The following KIF4A variants were observed in gnomAD, a reference collection of about 807,000 sequenced individuals.
The protein encoded by KIF4A is chromosome-associated kinesin KIF4A.
KIF4A carries 7 observed loss-of-function variants against 105.9 expected under a neutral mutation model. The ratio of observed to expected loss-of-function variants is 0.07; its 90% CI spans 0.04 to 0.12. The LOEUF is 0.12. Among genes scored for constraint, KIF4A ranks in the 10% least tolerant of loss-of-function variants. The pLI is 1.00. For missense variants in KIF4A, 558 were observed against 929.2 expected (o/e 0.60, Z 5.19); for synonymous variants, 281 against 331.3 (o/e 0.85, Z 1.65).
intron 15 of KIF4A, among the ~76,000 whole-genome samples, chrX:70,365,170 C>T (rs1350296420): frequency 8.9e-6 from 1 of 111,917 alleles, no homozygotes; most frequent in Non-Finnish European, 1.9e-5. Flanking sequence ...TCTAGATATA[C>T]AATCATGTCA....
At chrX:70,372,141 C>G (rs978346614) in intron 15 of KIF4A, among the ~76,000 whole-genome samples, 1 of 104,506 alleles carries the variant, frequency 9.6e-6, no homozygotes, top group Admixed American at 1.0e-4. Flanking sequence ...CCGGCAGAGA[C>G]GCTCCTCACT....
At chrX:70,360,408 G>C (rs974394965) in intron 15 of KIF4A, among the ~76,000 whole-genome samples, 4 of 112,333 alleles carry the variant, frequency 3.6e-5, no homozygotes, top group African/African-American at 9.7e-5. Flanking sequence ...GGGGAGAGAA[G>C]GGGGCTCCTC....
At chrX:70,389,709 A>G (rs369291884) in intron 20 of KIF4A, among the ~76,000 whole-genome samples, 1 of 112,766 alleles carries the variant, frequency 8.9e-6, no homozygotes, top group Non-Finnish European at 1.9e-5. Context: ...AAATATCCAT[A>G]CATCTATTTC....
At chrX:70,378,966 C>T (rs2147724918) in intron 18 of KIF4A, among the ~76,000 whole-genome samples, 1 of 108,967 alleles carries the variant, frequency 9.2e-6, no homozygotes, top group East Asian at 2.9e-4. Flanking sequence ...ACCATCCTGG[C>T]TAACACGGTG....
At chrX:70,396,400 A>AT (rs200898174) in intron 22 of KIF4A, 98 of 126,597 alleles carry the variant, frequency 7.7e-4, no homozygotes, top group Admixed American at 7.5e-3. Flanking sequence ...TAATTGGTTA[A>AT]TTTTTAAAAG....
chrX:70,332,187 G>A (rs1207823387), intron 9 of KIF4A, among the ~76,000 whole-genome samples: 1 of 112,090 alleles, frequency 8.9e-6, no homozygotes, highest in Non-Finnish European at 1.9e-5. Context: ...GCAGAGATGA[G>A]ACATTCAGAA....
At chrX:70,378,553 A>G (rs2086183985) in intron 18 of KIF4A, among the ~76,000 whole-genome samples, 1 of 108,602 alleles carries the variant, frequency 9.2e-6, no homozygotes, top group Admixed American at 9.9e-5. Context: ...ACATGGAGAA[A>G]CCCTCTCTCT....
chrX:70,343,671 G>A lies in KIF4A; in HGVS notation c.1267-32G>A, dbSNP rs367569641. The stretch of plus-strand genomic sequence containing the variant: ...TAATTATGTGAGGCTGTCAGGCACC[G>A]CCACTGATGATCTCCTGGGTCTTTG... On this transcript the variant is annotated intron_variant, in intron 11 of 30. Transcript: ENST00000374403. 1.1e-4 allele frequency: 130 copies of A among 1,188,416 alleles called. No individual in the cohort carries two copies. The African/African-American group carries it at 1.8e-3, about 17-fold the overall frequency.
intron 20 of KIF4A, among the ~76,000 whole-genome samples, chrX:70,390,195 C>G (rs772432644): frequency 9.0e-6 from 1 of 111,477 alleles, no homozygotes; most frequent in East Asian, 2.8e-4. Context: ...TTGTAGAGTT[C>G]TTAAGATTTT....
intron 18 of KIF4A, among the ~76,000 whole-genome samples, chrX:70,385,098 C>G (rs1158973868): frequency 9.0e-6 from 1 of 111,598 alleles, no homozygotes; most frequent in Non-Finnish European, 1.9e-5. Context: ...CTACCATGCC[C>G]AACTGAGAAT....
intron 13 of KIF4A, among the ~76,000 whole-genome samples, chrX:70,345,321 A>T (rs1237853966): frequency 9.0e-6 from 1 of 110,761 alleles, no homozygotes; most frequent in East Asian, 2.8e-4. Flanking sequence ...AAAATTAGCC[A>T]GGTGTAGTGG....
chrX:70,346,942 C>A (rs2085995257), intron 13 of KIF4A, among the ~76,000 whole-genome samples: 1 of 111,624 alleles, frequency 9.0e-6, no homozygotes, highest in South Asian at 3.8e-4. Context: ...TAGTGAACAC[C>A]CCCTTTTCCA....
At chrX:70,350,401 C>T (rs970465738) in intron 13 of KIF4A, among the ~76,000 whole-genome samples, 4 of 111,136 alleles carry the variant, frequency 3.6e-5, no homozygotes, top group South Asian at 3.8e-4. Context: ...AGGAGAATCA[C>T]GGGAGCCGGA....
intron 5 of KIF4A, among the ~76,000 whole-genome samples, chrX:70,299,515 A>G (rs1335173781): frequency 8.9e-6 from 1 of 111,763 alleles, no homozygotes; most frequent in Non-Finnish European, 1.9e-5. Context: ...GTGGCTATTT[A>G]AATTTAAATG....
chrX:70,340,886 ATTTC>A (rs956115433), intron 10 of KIF4A, among the ~76,000 whole-genome samples: 14 of 110,617 alleles, frequency 1.3e-4, no homozygotes, highest in African/African-American at 4.6e-4. Flanking sequence ...AAATCTTCAT[ATTTC>A]TTCTGATCTT....
intron 13 of KIF4A, among the ~76,000 whole-genome samples, chrX:70,351,331 G>A (rs2086029687): frequency 8.9e-6 from 1 of 111,987 alleles, no homozygotes; most frequent in Admixed American, 9.4e-5. Context: ...AGTCTCCAAT[G>A]TCTGTTATTC....
At position 70,372,370 on chromosome X, in the gene KIF4A, C is replaced by G. The variant is rs1471799058; in HGVS notation, c.1675-1781C>G. Among the ~76,000 whole-genome samples the G allele has an allele frequency of 2.7e-5, 3 of 113,144 alleles. 1 individual carries two copies. The South Asian group carries it at 1.1e-3, about 41-fold the overall frequency. ...TGGGCACCATTGAGCACTGAGTGAA[C>G]CAGACTCCGTCTGCAATCCCGGCAC... On this transcript the variant is annotated intron_variant, in intron 15 of 30. Transcript: ENST00000374403.
At chrX:70,352,376 C>T (rs1173093691) in intron 13 of KIF4A, among the ~76,000 whole-genome samples, 1 of 111,481 alleles carries the variant, frequency 9.0e-6, no homozygotes, top group African/African-American at 3.3e-5. Flanking sequence ...GCCACATGAC[C>T]TTATTTTTTA....
At chrX:70,399,187 A>G (rs1385655186) in intron 22 of KIF4A, among the ~76,000 whole-genome samples, 1 of 112,310 alleles carries the variant, frequency 8.9e-6, no homozygotes, top group Non-Finnish European at 1.9e-5. Context: ...TCTCAAGAAA[A>G]GCACTGCGAT....
Sources: allele counts gnomAD v4.1 joint callset (sites outside exome capture counted in the v4.1 genomes callset), GRCh38; gene constraint gnomAD v4.1.1; transcripts MANE v1.5; gene names NCBI Gene and HGNC (gene_info 2026-07-23, HGNC 2026-07-21).